The following GALNT1 variants were observed in gnomAD, a reference collection of about 807,000 sequenced individuals.
GALNT1 encodes GalNAc transferase 1.
GALNT1 carries 17 observed loss-of-function variants against 65.7 expected under a neutral mutation model. That is an observed-to-expected ratio of 0.26 (90% CI 0.18 to 0.39). GALNT1 has a LOEUF of 0.39. Among genes scored for constraint, GALNT1 ranks in the 10% least tolerant of loss-of-function variants. The pLI is 1.00. For synonymous variants in GALNT1, 210 were observed against 219.7 expected (o/e 0.96, Z 0.39); for missense variants, 460 against 672.8 (o/e 0.68, Z 3.50).
intron 11 of GALNT1, among the ~76,000 whole-genome samples, chr18:35,704,352 C>T (rs904998840): frequency 4.0e-5 from 6 of 151,578 alleles, no homozygotes; most frequent in Admixed American, 6.6e-5. Context: ...CTCTGTCACC[C>T]AGGCTAGAGT....
chr18:35,700,706 C>T (rs923313539), intron 9 of GALNT1, among the ~76,000 whole-genome samples: 5 of 152,188 alleles, frequency 3.3e-5, no homozygotes, highest in African/African-American at 1.2e-4. Context: ...AGGTCCCAAA[C>T]TCTTGAGCTC....
chr18:35,664,824 A>G (rs2047524147), intron 3 of GALNT1, among the ~76,000 whole-genome samples: 1 of 152,250 alleles, frequency 6.6e-6, no homozygotes, highest in Admixed American at 6.5e-5. Context: ...GCTCTCATTG[A>G]TGCTGGCAGC....
chr18:35,706,607 T>A (rs12968486), intron 11 of GALNT1, among the ~76,000 whole-genome samples: 2 of 152,216 alleles, frequency 1.3e-5, no homozygotes, highest in African/African-American at 4.8e-5. Context: ...AAAACATTAA[T>A]GCTGGGGATT....
Position 35,692,297 on chromosome 18 carries a change from C to T in GALNT1, c.1276C>T (p.Arg426Cys), listed in dbSNP as rs777681123. Residue 426 changes from arginine (R) to cysteine (C), a missense_variant, in exon 9 of 12, where the codon CGT becomes TGT. Arg to Cys is a radical substitution (Grantham distance 180). Transcript: ENST00000269195. ...TATATATCCTGATTCTCAAATTCCA[C>T]GTCACTATTTCTCATTGGGAGAGGT... ...ENIYPDSQIP[R>C]HYFSLGEIRN... The T allele has an allele frequency of 5.1e-6, 8 of 1,582,398 alleles. No individual in the cohort carries two copies. The highest frequency in any genetic ancestry group is 4.5e-5 in the East Asian group (2 of 44,518).
chr18:35,663,669 A>G lies in GALNT1; in HGVS notation c.181A>G (p.Met61Val). 6.2e-7 allele frequency: 1 copy of G among 1,614,006 alleles called. No individual in the cohort carries two copies. The highest frequency in any genetic ancestry group is 8.5e-7 in the Non-Finnish European group (1 of 1,179,958). ...VQKPHEGPGEMGKPVVIPKED... is the reference protein window; with the variant it reads ...VQKPHEGPGEVGKPVVIPKED... ...AAAGCCTCATGAAGGTCCTGGAGAA[A>G]TGGGGAAACCAGTCGTCATTCCTAA... Residue 61 changes from methionine (M) to valine (V), a missense_variant, in exon 3 of 12, where the codon ATG (methionine) becomes GTG (valine). Transcript: ENST00000269195.
At chr18:35,642,267 G>A (rs2047173801) in intron 1 of GALNT1, among the ~76,000 whole-genome samples, 2 of 152,152 alleles carry the variant, frequency 1.3e-5, no homozygotes, top group Admixed American at 6.5e-5. Context: ...CTAAGCCAGC[G>A]GAATACTATT....
At chr18:35,695,990 C>T (rs920280932) in intron 9 of GALNT1, among the ~76,000 whole-genome samples, 3 of 152,202 alleles carry the variant, frequency 2.0e-5, no homozygotes, top group Admixed American at 2.0e-4. Context: ...CAAAGAAACA[C>T]TTGTCTGCTC....
chr18:35,691,625 C>T (rs2047964135), intron 8 of GALNT1, among the ~76,000 whole-genome samples: 1 of 152,196 alleles, frequency 6.6e-6, no homozygotes, highest in Non-Finnish European at 1.5e-5. Context: ...GCCCTCAATG[C>T]TGTCATAGGA....
At chr18:35,596,530 C>T (rs2046506882) in intron 1 of GALNT1, 1 of 152,142 alleles carries the variant, frequency 6.6e-6, no homozygotes, top group Non-Finnish European at 1.5e-5. Context: ...CTTGGTTCTT[C>T]GTGAAAGGTC....
intron 1 of GALNT1, among the ~76,000 whole-genome samples, chr18:35,651,048 T>C (rs980553195): frequency 6.6e-6 from 1 of 152,210 alleles, no homozygotes; most frequent in African/African-American, 2.4e-5. Flanking sequence ...AACTAATAAA[T>C]GTCCATGAAA....
intron 1 of GALNT1, among the ~76,000 whole-genome samples, chr18:35,634,583 C>T (rs935091109): frequency 2.6e-5 from 4 of 152,190 alleles, no homozygotes; most frequent in African/African-American, 9.7e-5. Flanking sequence ...AGCAATGAAT[C>T]GTGACAACAT....
At chr18:35,639,931 G>C (rs2047140119) in intron 1 of GALNT1, among the ~76,000 whole-genome samples, 1 of 152,050 alleles carries the variant, frequency 6.6e-6, no homozygotes, top group Admixed American at 6.6e-5. Flanking sequence ...CGAGTAGCTG[G>C]GATTACAGGT....
intron 2 of GALNT1, 97 bp downstream of exon 2, chr18:35,654,898 A>G: frequency 3.1e-6 from 3 of 960,916 alleles, no homozygotes; most frequent in Non-Finnish European, 4.2e-6. Context: ...TTTTAGATTA[A>G]CTGTAGTCTG....
chr18:35,623,464 C>T lies in GALNT1; in HGVS notation c.-103-31096C>T, dbSNP rs115402811. ...CTTAAATTTGCAATTTTGTTCTTCC[C>T]CAAATGTGGCCATTTTCAGGGGTTT... On this transcript the variant is annotated intron_variant, in intron 1 of 11. Coordinates refer to ENST00000269195, the MANE Select transcript of GALNT1 (RefSeq NM_020474.4). 9.9e-3 allele frequency among the ~76,000 whole-genome samples: 1,502 copies of T among 152,040 alleles called. 30 individuals are homozygous for T. Among genetic ancestry groups the T allele is most frequent in the African/African-American group, 0.034 (1,422 of 41,500 alleles).
intron 3 of GALNT1, among the ~76,000 whole-genome samples, chr18:35,673,297 C>A (rs1425943685): frequency 6.6e-6 from 1 of 152,136 alleles, no homozygotes; most frequent in African/African-American, 2.4e-5. Flanking sequence ...CTTGAAAATT[C>A]TTTTCTTGGC....
At chr18:35,617,446 T>G (rs1371040045) in intron 1 of GALNT1, among the ~76,000 whole-genome samples, 1 of 152,194 alleles carries the variant, frequency 6.6e-6, no homozygotes, top group African/African-American at 2.4e-5. Flanking sequence ...AAAAGTTACT[T>G]CTTTGTTTTA....
At chr18:35,599,564 G>C (rs915530887) in intron 1 of GALNT1, among the ~76,000 whole-genome samples, 5 of 151,990 alleles carry the variant, frequency 3.3e-5, no homozygotes, top group Non-Finnish European at 7.4e-5. Flanking sequence ...TAAAGACCTG[G>C]TTTCACCAGG....
At chr18:35,692,346 T>C (rs2047980663) in intron 9 of GALNT1, 26 bp downstream of exon 9, 1 of 1,348,654 alleles carries the variant, frequency 7.4e-7, no homozygotes, top group Non-Finnish European at 1.0e-6. Context: ...ATATATATTC[T>C]ATGTGGTTAT....
intron 3 of GALNT1, among the ~76,000 whole-genome samples, chr18:35,675,707 G>T (rs1217069879): frequency 6.6e-6 from 1 of 151,856 alleles, no homozygotes. Flanking sequence ...TTTTATTTTG[G>T]TAAGGTAGCA....
Sources: gnomAD v4.1 joint callset for allele counts (sites outside exome capture counted in the v4.1 genomes callset) on GRCh38, gnomAD v4.1.1 for gene constraint, MANE v1.5 for transcripts, NCBI Gene and HGNC (gene_info 2026-07-23, HGNC 2026-07-21) for gene names.